Variants in SEMA6D observed in about 807,000 individuals in gnomAD.
The protein encoded by SEMA6D is semaphorin-6D.
In SEMA6D, 35 loss-of-function variants were observed where a neutral mutation model predicts 106.6. That is an observed-to-expected ratio of 0.33 (90% CI 0.25 to 0.44). The LOEUF is 0.44. SEMA6D is among the 20% of genes least tolerant of loss of function. The pLI, the probability that SEMA6D is intolerant of heterozygous loss-of-function variation, is 1.00. For missense variants in SEMA6D, 1,185 were observed against 1,345.9 expected, an observed-to-expected ratio of 0.88 and a Z score of 1.87; for synonymous variants, 499 against 487.7, an observed-to-expected ratio of 1.02 and a Z score of -0.31.
At chr15:47,357,396 CCAAAA>C (rs202117383) in intron 1 of SEMA6D, among the ~76,000 whole-genome samples, 3,423 of 152,060 alleles carry the variant, frequency 0.023, 68 homozygotes, top group Non-Finnish European at 0.038. Context: ...GCAAAATACT[CCAAAA>C]CAAAACAAAA....
Position 47,772,847 on chromosome 15 carries a change from C to T in SEMA6D, c.*1062C>T, listed in dbSNP as rs72735867. The T allele has an allele frequency of 0.032, 4,314 of 133,220 alleles. 87 individuals carry two copies. Among genetic ancestry groups the T allele is most frequent in the Non-Finnish European group, 0.042 (2,716 of 64,184 alleles). The allele number at this position is 133,220 out of a possible 1,614,324, so 8.3% of individuals were successfully genotyped here. ...ATTTCTCCTCCTTTAACTCCTCCTA[C>T]CCCCCAAGGTAAGAAACAAAAAACA... On this transcript the variant is annotated 3_prime_UTR_variant, in exon 19 of 19. Coordinates refer to ENST00000536845, the MANE Select transcript of SEMA6D (RefSeq NM_001358351.3).
chr15:47,603,470 G>T (rs1405674066), intron 4 of SEMA6D: 3 of 152,134 alleles, frequency 2.0e-5, no homozygotes, highest in African/African-American at 7.2e-5. Context: ...TAGGAAGAGA[G>T]CCGAGCTCAA....
At chr15:47,690,204 C>T (rs1435633794) in intron 4 of SEMA6D, among the ~76,000 whole-genome samples, 1 of 152,162 alleles carries the variant, frequency 6.6e-6, no homozygotes, top group African/African-American at 2.4e-5. Context: ...AGCCTCAAAA[C>T]GTAAGTGATT....
At chr15:47,266,964 A>G (rs751496211) in intron 1 of SEMA6D, among the ~76,000 whole-genome samples, 3 of 152,142 alleles carry the variant, frequency 2.0e-5, no homozygotes, top group Non-Finnish European at 4.4e-5. Flanking sequence ...AACAATTTTC[A>G]TCTGTTTCAC....
intron 1 of SEMA6D, among the ~76,000 whole-genome samples, chr15:47,739,755 C>T (rs1596901027): frequency 6.6e-6 from 1 of 152,134 alleles, no homozygotes; most frequent in Non-Finnish European, 1.5e-5. Flanking sequence ...GAATTTGGAA[C>T]ATAGAAGAAG....
At chr15:47,213,002 T>A (rs895244907) in intron 1 of SEMA6D, among the ~76,000 whole-genome samples, 1 of 152,206 alleles carries the variant, frequency 6.6e-6, no homozygotes, top group African/African-American at 2.4e-5. Context: ...TCCCTCCTTT[T>A]TGGAACCCGC....
chr15:47,646,586 G>A (rs1482197153), intron 4 of SEMA6D, among the ~76,000 whole-genome samples: 1 of 152,128 alleles, frequency 6.6e-6, no homozygotes, highest in East Asian at 1.9e-4. Flanking sequence ...GGGACAGTGT[G>A]ATTCTGAATC....
chr15:47,676,359 C>T (rs2078245742), intron 4 of SEMA6D, among the ~76,000 whole-genome samples: 1 of 152,124 alleles, frequency 6.6e-6, no homozygotes, highest in African/African-American at 2.4e-5. Flanking sequence ...GGACATAGGA[C>T]AGAAGGAGAG....
At chr15:47,620,871 G>A (rs2077086080) in intron 4 of SEMA6D, among the ~76,000 whole-genome samples, 1 of 152,004 alleles carries the variant, frequency 6.6e-6, no homozygotes, top group African/African-American at 2.4e-5. Flanking sequence ...TCTGTCCCCA[G>A]GCTGGGGTCT....
intron 1 of SEMA6D, among the ~76,000 whole-genome samples, chr15:47,371,238 T>C (rs1274571173): frequency 2.6e-5 from 4 of 152,246 alleles, no homozygotes; most frequent in African/African-American, 4.8e-5. Flanking sequence ...GTAATGCTCA[T>C]TCATTACAAA....
intron 1 of SEMA6D, chr15:47,730,720 C>A (rs1490417209): frequency 1.2e-6 from 2 of 1,605,424 alleles, no homozygotes; most frequent in African/African-American, 1.3e-5. Context: ...CACTTTCAGC[C>A]GCTTATAGAG....
At chr15:47,728,083 G>A (rs1268579941) in intron 1 of SEMA6D, among the ~76,000 whole-genome samples, 1 of 152,202 alleles carries the variant, frequency 6.6e-6, no homozygotes, top group African/African-American at 2.4e-5. Flanking sequence ...CCGTATGTGT[G>A]TATTTCTATA....
intron 1 of SEMA6D, among the ~76,000 whole-genome samples, chr15:47,197,632 G>A (rs1241223212): frequency 1.3e-5 from 2 of 151,234 alleles, no homozygotes; most frequent in Non-Finnish European, 1.5e-5. Flanking sequence ...AACAAAATTA[G>A]TGGGAAAAAA....
intron 3 of SEMA6D, among the ~76,000 whole-genome samples, chr15:47,517,911 A>G (rs1241440424): frequency 6.6e-6 from 1 of 152,096 alleles, no homozygotes; most frequent in African/African-American, 2.4e-5. Flanking sequence ...TTCTCCCCAC[A>G]ATGAGTCATT....
chr15:47,399,908 A>G (rs959125416), intron 1 of SEMA6D, among the ~76,000 whole-genome samples: 1 of 152,226 alleles, frequency 6.6e-6, no homozygotes, highest in African/African-American at 2.4e-5. Context: ...CTGGTCCCAG[A>G]TTTGAGTAAA....
intron 1 of SEMA6D, among the ~76,000 whole-genome samples, chr15:47,379,606 AG>A (rs1332170824): frequency 6.6e-6 from 1 of 152,254 alleles, no homozygotes; most frequent in Non-Finnish European, 1.5e-5. Context: ...GAGATTAATC[AG>A]AGAAGTCTTC....
Position 47,768,621 on chromosome 15 carries a change from T to A in SEMA6D, c.1806T>A (p.Ser602Arg). ...CATCTTCTGTTACCACAATGGCAAGTATCCCAGAAATCACACCTAAAGTGA... is the reference window on the plus strand; with the variant it reads ...CATCTTCTGTTACCACAATGGCAAGAATCCCAGAAATCACACCTAAAGTGA... ...VSSSSVTTMA[S>R]IPEITPKVID... Residue 602 changes from serine (S) to arginine (R), a missense_variant, in exon 18 of 19, where the codon AGT becomes AGA. Ser to Arg is a moderately radical substitution (Grantham distance 110, BLOSUM62 -1). Coordinates refer to ENST00000536845, the MANE Select transcript of SEMA6D (RefSeq NM_001358351.3). 1 of 1,613,350 alleles carries A rather than the reference T, an allele frequency of 6.2e-7. No individual in the cohort carries two copies. The highest frequency in any genetic ancestry group is 1.1e-5 in the South Asian group (1 of 90,982).
intron 1 of SEMA6D, among the ~76,000 whole-genome samples, chr15:47,387,685 A>C (rs914918050): frequency 6.6e-6 from 1 of 152,214 alleles, no homozygotes; most frequent in Non-Finnish European, 1.5e-5. Flanking sequence ...TTTTAGATAA[A>C]GTTGGGATCT....
chr15:47,448,437 C>T (rs919096117), intron 2 of SEMA6D, among the ~76,000 whole-genome samples: 2 of 152,110 alleles, frequency 1.3e-5, no homozygotes, highest in African/African-American at 2.4e-5. Flanking sequence ...ACACCTGATC[C>T]ATTAGTGATG....
Sources: gnomAD v4.1 joint callset for allele counts (sites outside exome capture counted in the v4.1 genomes callset) on GRCh38, gnomAD v4.1.1 for gene constraint, MANE v1.5 for transcripts, NCBI Gene and HGNC (gene_info 2026-07-23, HGNC 2026-07-21) for gene names.